The following CA2 variants were observed in gnomAD, a reference collection of about 807,000 sequenced individuals.
CA2 encodes the protein carbonate dehydratase II.
Under a neutral mutation model 27.8 loss-of-function variants are expected in CA2, and 23 were observed. That is an observed-to-expected ratio of 0.83 (90% CI 0.59 to 1.17). The LOEUF (loss-of-function observed/expected upper bound fraction) is 1.17, where lower values mean the gene tolerates loss of function less well. CA2 is among the 50% of genes most tolerant of loss of function. CA2 has a pLI of 0.00. For missense variants in CA2, 300 were observed against 314.7 expected (o/e 0.95, Z 0.35); for synonymous variants, 99 against 114.9 (o/e 0.86, Z 0.88).
Position 85,475,804 on chromosome 8 carries a change from A to G in CA2, c.451A>G (p.Ser151Gly), listed in dbSNP as rs1367383457. 2 of 1,614,030 alleles carry G rather than the reference A, an allele frequency of 1.2e-6. No individual in the cohort carries two copies. The highest frequency in any genetic ancestry group is 2.2e-5 in the East Asian group (1 of 44,878). ...CCTTTATGTTTTTCTTTAGGTTGGC[A>G]GCGCTAAACCGGGCCTTCAGAAAGT... The part of the protein sequence containing the change: ...AVLGIFLKVG[S>G]AKPGLQKVVD... Residue 151 changes from serine to glycine, a missense_variant, in exon 5 of 7, where the codon AGC becomes GGC. By Grantham distance (56) the Ser-to-Gly change is moderately conservative (BLOSUM62 0). This residue lies in a region of CA2 where 173 missense variants were observed against 161.0 expected (regional missense o/e 1.07). Coordinates refer to ENST00000285379, the MANE Select transcript of CA2 (RefSeq NM_000067.3).
chr8:85,473,017 TA>T (rs1319872140), intron 2 of CA2, among the ~76,000 whole-genome samples: 4 of 140,472 alleles, frequency 2.8e-5, no homozygotes, highest in African/African-American at 7.6e-5. Flanking sequence ...TAATAATAAA[TA>T]AATAAATAAA....
chr8:85,477,121 G>A lies in CA2; in HGVS notation c.509G>A (p.Gly170Asp). 6.2e-7 allele frequency: 1 copy of A among 1,613,976 alleles called. No individual in the cohort carries two copies. Among genetic ancestry groups the A allele is most frequent in the Non-Finnish European group, 8.5e-7 (1 of 1,179,940 alleles). ...AGCTGCGTATTTGCCTTGTTCTAGG[G>A]CAAGAGTGCTGACTTCACTAACTTC... ...VDVLDSIKTK[G>D]KSADFTNFDP... Residue 170 changes from glycine to aspartate, a missense_variant and splice_region_variant, in exon 6 of 7, where the codon GGC becomes GAC. Transcript: ENST00000285379.
At chr8:85,477,726 A>G (rs1811825982) in intron 6 of CA2, among the ~76,000 whole-genome samples, 1 of 152,170 alleles carries the variant, frequency 6.6e-6, no homozygotes, top group Non-Finnish European at 1.5e-5. Context: ...TCCCTTGGAG[A>G]ACATGTATCT....
intron 6 of CA2, 112 bp from the exon 7 acceptor site, chr8:85,480,558 C>A: frequency 1.9e-6 from 2 of 1,037,606 alleles, no homozygotes; most frequent in South Asian, 2.7e-5. Context: ...GCTGGGATTA[C>A]AGGCATGAGC....
chr8:85,474,869 G>C (rs1366535379), intron 4 of CA2, among the ~76,000 whole-genome samples: 1 of 152,190 alleles, frequency 6.6e-6, no homozygotes, highest in African/African-American at 2.4e-5. Context: ...TATGAGCTCT[G>C]ATTCATATGT....
Position 85,473,733 on chromosome 8 carries a change from T to G in CA2, c.273T>G (p.Ile91Met), listed in dbSNP as rs1811743862. The G allele has an allele frequency of 6.2e-7, 1 of 1,612,154 alleles. No homozygotes were observed. The highest frequency in any genetic ancestry group is 8.5e-7 in the Non-Finnish European group (1 of 1,178,328). The change falls in exon 3 of 7, where the codon ATT (isoleucine) becomes ATG (methionine). Residue 91 changes from isoleucine to methionine, a missense_variant. Transcript: ENST00000285379. ...GGPLDGTYRLIQFHFHWGSLD... is the reference protein window; with the variant it reads ...GGPLDGTYRLMQFHFHWGSLD... Reference sequence around the variant, plus strand: ...CCCTGGATGGCACTTACAGATTGATTCAGTTTCACTTTCACTGGGGTTCAC... The same window carrying G: ...CCCTGGATGGCACTTACAGATTGATGCAGTTTCACTTTCACTGGGGTTCAC...
chr8:85,468,807 T>G (rs2130549835), intron 2 of CA2, among the ~76,000 whole-genome samples: 1 of 148,660 alleles, frequency 6.7e-6, no homozygotes, highest in East Asian at 2.0e-4. Flanking sequence ...CACAAAACCA[T>G]GTGGAAAAAC....
At chr8:85,471,821 T>TA (rs984227494) in intron 2 of CA2, among the ~76,000 whole-genome samples, 2 of 152,118 alleles carry the variant, frequency 1.3e-5, no homozygotes, top group African/African-American at 4.8e-5. Flanking sequence ...CATTCTTTTT[T>TA]AAAAAAGTCT....
intron 3 of CA2, chr8:85,474,084 G>A (rs907099051): frequency 1.8e-5 from 11 of 607,184 alleles, no homozygotes; most frequent in Admixed American, 8.8e-5. Flanking sequence ...GAAATAAAAT[G>A]TGTGCCTTCT....
At chr8:85,472,755 C>G (rs937118161) in intron 2 of CA2, among the ~76,000 whole-genome samples, 14 of 151,944 alleles carry the variant, frequency 9.2e-5, no homozygotes, top group Non-Finnish European at 2.1e-4. Context: ...CTTTAGGAGG[C>G]CGAGGTGGAT....
intron 1 of CA2, 113 bp downstream of exon 1, chr8:85,464,228 C>T (rs1453792823): frequency 2.9e-6 from 3 of 1,022,944 alleles, no homozygotes; most frequent in Non-Finnish European, 4.1e-6. Flanking sequence ...TGCTGTTTAC[C>T]GCGGCCGCGG....
chr8:85,477,190 A>G lies in CA2; in HGVS notation c.578A>G (p.Tyr193Cys), dbSNP rs746139997. The change falls in exon 6 of 7, where the codon TAC becomes TGC. Residue 193 changes from tyrosine (Y) to cysteine (C), a missense_variant. Transcript: ENST00000285379. ...LLPESLDYWT[Y>C]PGSLTTPPLL... ...CCTGAATCCTTGGATTACTGGACCTACCCAGGCTCACTGACCACCCCTCCT... is the reference window on the plus strand; with the variant it reads ...CCTGAATCCTTGGATTACTGGACCTGCCCAGGCTCACTGACCACCCCTCCT... 1.2e-6 allele frequency: 2 copies of G among 1,613,972 alleles called. No homozygotes were observed. Among genetic ancestry groups the G allele is most frequent in the South Asian group, 2.2e-5 (2 of 91,058 alleles).
chr8:85,469,363 G>T (rs1235851193), intron 2 of CA2, among the ~76,000 whole-genome samples: 2 of 152,126 alleles, frequency 1.3e-5, no homozygotes, highest in African/African-American at 2.4e-5. Context: ...TAAGAACTTG[G>T]GTATCAGGAA....
intron 5 of CA2, 28 bp from the exon 6 acceptor site, chr8:85,477,092 T>C (rs1021394340): frequency 6.2e-7 from 1 of 1,613,328 alleles, no homozygotes; most frequent in Non-Finnish European, 8.5e-7. Flanking sequence ...ATGTGATAGT[T>C]TGAAGCTGCG....
chr8:85,468,314 G>A (rs971004397), intron 2 of CA2, among the ~76,000 whole-genome samples: 1 of 152,224 alleles, frequency 6.6e-6, no homozygotes, highest in Non-Finnish European at 1.5e-5. Context: ...AGGTCAGAAA[G>A]GACTTGCCCT....
chr8:85,477,757 G>A (rs1811826767), intron 6 of CA2, among the ~76,000 whole-genome samples: 1 of 152,182 alleles, frequency 6.6e-6, no homozygotes, highest in Admixed American at 6.5e-5. Context: ...ACTCCAGGTT[G>A]CTTTAGAGGC....
chr8:85,476,141 G>A (rs1294319988), intron 5 of CA2, among the ~76,000 whole-genome samples: 1 of 152,170 alleles, frequency 6.6e-6, no homozygotes, highest in Non-Finnish European at 1.5e-5. Flanking sequence ...CCTGCAAGGA[G>A]GTTCAAAGGT....
intron 5 of CA2, among the ~76,000 whole-genome samples, chr8:85,476,716 C>G (rs548494063): frequency 6.6e-6 from 1 of 152,140 alleles, no homozygotes; most frequent in Admixed American, 6.5e-5. Context: ...TGATTCTGAC[C>G]TAGAGCAAGA....
At chr8:85,478,413 G>A (rs891813682) in intron 6 of CA2, among the ~76,000 whole-genome samples, 11 of 152,276 alleles carry the variant, frequency 7.2e-5, no homozygotes, top group African/African-American at 2.6e-4. Flanking sequence ...GAAGTGTAGC[G>A]TAAGGAAAGA....
Sources: allele counts gnomAD v4.1 joint callset (sites outside exome capture counted in the v4.1 genomes callset), GRCh38; gene constraint gnomAD v4.1.1; regional missense constraint gnomAD v4.1.1; transcripts MANE v1.5; gene names NCBI Gene and HGNC (gene_info 2026-07-23, HGNC 2026-07-21).